LINGO2: variants seen among roughly 807,000 people sequenced by gnomAD.
LINGO2 encodes the protein leucine-rich repeat and immunoglobulin-like domain-containing nogo receptor-interacting protein 2.
A neutral mutation model predicts 30.6 loss-of-function variants in LINGO2; 14 were observed. The observed-to-expected ratio is 0.46, with a 90% CI of 0.30 to 0.72. LINGO2 has a LOEUF of 0.72. LINGO2 is among the 30% of genes least tolerant of loss of function. LINGO2 has a pLI of 0.07. For missense variants in LINGO2, 729 were observed against 751.7 expected (o/e 0.97, Z 0.35); for synonymous variants, 317 against 288.5 (o/e 1.10, Z -1.00).
the LINGO2 span, among the ~76,000 whole-genome samples, chr9:28,899,569 G>T: frequency 6.6e-6 from 1 of 152,182 alleles, no homozygotes; most frequent in South Asian, 2.1e-4. Flanking sequence ...CTAGCCATCA[G>T]GCCAACACCC....
At chr9:28,035,526 T>TACCAA (rs1823888116) in intron 4 of LINGO2, among the ~76,000 whole-genome samples, 2 of 152,258 alleles carry the variant, frequency 1.3e-5, no homozygotes, top group Non-Finnish European at 2.9e-5. Flanking sequence ...GAATTTTTGG[T>TACCAA]AAATGTAACA....
rs1420535840 is a variant in LINGO2, at chr9:28,147,277, C to T, written c.-86-134872G>A. On this transcript the variant is annotated intron_variant, in intron 4 of 5. Transcript: ENST00000379992. This position sits in a 1 kb window ranked among gnomAD's most constrained non-coding sequence, Gnocchi z 4.7. ...AGCGCCAGCTGTGGAATCGCACAGC[C>T]TGGGTTCAAAGCCTGGCTGGGCCAT... 1.3e-5 allele frequency among the ~76,000 whole-genome samples: 2 copies of T among 152,316 alleles called. No homozygotes were observed. Among genetic ancestry groups the T allele is most frequent in the Admixed American group, 6.5e-5 (1 of 15,306 alleles).
chr9:28,545,928 CACA>C (rs567271921), intron 1 of LINGO2, among the ~76,000 whole-genome samples: 160 of 152,138 alleles, frequency 1.1e-3, no homozygotes, highest in Admixed American at 6.0e-3. Flanking sequence ...AAAGAATCCA[CACA>C]ACATTATACC....
chr9:29,190,173 T>C, the LINGO2 span, among the ~76,000 whole-genome samples: 1 of 152,194 alleles, frequency 6.6e-6, no homozygotes, highest in Admixed American at 6.5e-5. Context: ...GTTTCTTCTT[T>C]ATTAAAGAGC....
Position 28,191,539 on chromosome 9 carries a change from G to A in LINGO2, c.-87+103669C>T, listed in dbSNP as rs117480710. Among the ~76,000 whole-genome samples the A allele has an allele frequency of 2.6e-3, 393 of 151,986 alleles. 10 individuals are homozygous for A. In the South Asian group the frequency reaches 0.053, roughly 21 times the overall value. ...TCCTTCTCTTATTTTTCTCCTTCTTGAAGGCCTCCCTCCCTCCCTCTTAAC... is the reference window on the plus strand; with the variant it reads ...TCCTTCTCTTATTTTTCTCCTTCTTAAAGGCCTCCCTCCCTCCCTCTTAAC... On this transcript the variant is annotated intron_variant, in intron 4 of 5. Coordinates refer to ENST00000379992, the Ensembl canonical transcript of LINGO2.
rs777461769 is a variant in LINGO2, at chr9:28,362,467, CT to C, written c.-246+10368del. Among the ~76,000 whole-genome samples the C allele has an allele frequency of 5.3e-3, 774 of 145,058 alleles. 2 individuals carry two copies. The highest frequency in any genetic ancestry group is 0.011 in the African/African-American group (422 of 39,684). ...CTAGAAGAGAAGTTATTTGGCTTTC[CT>C]TTTTTTTTTTTCTTTTTTTGAGACT... On this transcript the variant is annotated intron_variant, in intron 3 of 5. Transcript: ENST00000379992.
intron 1 of LINGO2, among the ~76,000 whole-genome samples, chr9:28,619,271 T>C (rs752019965): frequency 6.6e-6 from 1 of 152,192 alleles, no homozygotes; most frequent in Non-Finnish European, 1.5e-5. Context: ...CCTGAGATTC[T>C]AAAGACTACC....
intron 2 of LINGO2, among the ~76,000 whole-genome samples, chr9:28,470,217 C>T (rs1159239712): frequency 4.6e-5 from 7 of 152,112 alleles, no homozygotes; most frequent in Non-Finnish European, 8.8e-5. Context: ...CAGAATTGTA[C>T]ACTTGAAAAC....
At chr9:29,108,048 C>A in the LINGO2 span, among the ~76,000 whole-genome samples, 1 of 152,104 alleles carries the variant, frequency 6.6e-6, no homozygotes, top group Non-Finnish European at 1.5e-5. Flanking sequence ...TATAAAGGCT[C>A]AGGGAAGGCA....
chr9:28,089,869 T>G (rs1418451295), intron 4 of LINGO2, among the ~76,000 whole-genome samples: 2 of 152,106 alleles, frequency 1.3e-5, no homozygotes, highest in African/African-American at 4.8e-5. Flanking sequence ...CAATAAAAAA[T>G]GATAAAGGGG....
chr9:28,278,244 A>G (rs1564091412), intron 4 of LINGO2, among the ~76,000 whole-genome samples: 1 of 152,248 alleles, frequency 6.6e-6, no homozygotes, highest in Admixed American at 6.5e-5. Flanking sequence ...CAAAAGTGCA[A>G]GATGAAGCAG....
At chr9:28,959,301 A>G in the LINGO2 span, among the ~76,000 whole-genome samples, 1 of 152,140 alleles carries the variant, frequency 6.6e-6, no homozygotes, top group Non-Finnish European at 1.5e-5. Flanking sequence ...ATCATAGTCT[A>G]TTGTCTCATA....
At chr9:28,269,719 A>C (rs1822875244) in intron 4 of LINGO2, among the ~76,000 whole-genome samples, 1 of 152,118 alleles carries the variant, frequency 6.6e-6, no homozygotes, top group Non-Finnish European at 1.5e-5. Flanking sequence ...ACTTTGCTAG[A>C]TTATTTCCTT....
At chr9:28,293,002 A>G (rs10968447) in intron 4 of LINGO2, among the ~76,000 whole-genome samples, 10,956 of 151,478 alleles carry the variant, frequency 0.072, 707 homozygotes, top group East Asian at 0.38. Context: ...TTGATCTCCT[A>G]ACCTTGTGAT....
intron 3 of LINGO2, among the ~76,000 whole-genome samples, chr9:28,310,324 G>A (rs1326336127): frequency 6.6e-6 from 1 of 152,046 alleles, no homozygotes; most frequent in Non-Finnish European, 1.5e-5. Context: ...AACAAATAGT[G>A]TTATATCCAT....
chr9:28,729,785 A>C, the LINGO2 span, among the ~76,000 whole-genome samples: 12 of 152,066 alleles, frequency 7.9e-5, no homozygotes, highest in African/African-American at 2.9e-4. Flanking sequence ...AAATAGAATA[A>C]AAGAGTTCAC....
chr9:28,269,742 A>C (rs763990904), intron 4 of LINGO2, among the ~76,000 whole-genome samples: 1 of 152,114 alleles, frequency 6.6e-6, no homozygotes, highest in African/African-American at 2.4e-5. Context: ...CCCCAATTTC[A>C]TCAGCGTAGC....
chr9:28,796,951 G>C, the LINGO2 span, among the ~76,000 whole-genome samples: 457 of 151,844 alleles, frequency 3.0e-3, 29 homozygotes, highest in East Asian at 0.08. Context: ...GTGAGTGTAT[G>C]TGTATGTGTG....
At chr9:28,731,408 T>A in the LINGO2 span, among the ~76,000 whole-genome samples, 2 of 152,124 alleles carry the variant, frequency 1.3e-5, no homozygotes. Context: ...CTTGGTTGAA[T>A]CTCCAGGAGA....
Sources: allele counts gnomAD v4.1 joint callset (sites outside exome capture counted in the v4.1 genomes callset), GRCh38; gene constraint gnomAD v4.1.1; non-coding constraint Gnocchi (gnomAD v3.1); transcripts MANE v1.5; gene names NCBI Gene and HGNC (gene_info 2026-07-23, HGNC 2026-07-21).